PRKN: variants seen among roughly 807,000 people sequenced by gnomAD.
PRKN encodes the protein parkin RBR E3 ubiquitin protein ligase.
PRKN carries 56 observed loss-of-function variants against 59.5 expected under a neutral mutation model. That is an observed-to-expected ratio of 0.94 (90% CI 0.76 to 1.18). PRKN has a LOEUF of 1.18. Among genes scored for constraint, PRKN ranks in the 50% most tolerant of loss-of-function variants. The pLI, the probability that PRKN is intolerant of heterozygous loss-of-function variation, is 0.00. For synonymous variants in PRKN, 250 were observed against 222.1 expected, an observed-to-expected ratio of 1.13 and a Z score of -1.12; for missense variants, 657 against 596.4, an observed-to-expected ratio of 1.10 and a Z score of -1.06.
intron 6 of PRKN, among the ~76,000 whole-genome samples, chr6:161,809,659 C>A (rs1252415963): frequency 1.3e-5 from 2 of 152,114 alleles, no homozygotes; most frequent in African/African-American, 4.8e-5. Flanking sequence ...AAATATAAAT[C>A]ATTCCATTTT....
At chr6:161,952,593 T>C (rs921630213) in intron 6 of PRKN, among the ~76,000 whole-genome samples, 2 of 152,294 alleles carry the variant, frequency 1.3e-5, no homozygotes, top group Middle Eastern at 3.4e-3. Context: ...TACTCAAGAC[T>C]GGGTGACAGT....
chr6:161,858,776 G>T (rs1793760533), intron 6 of PRKN, among the ~76,000 whole-genome samples: 1 of 151,856 alleles, frequency 6.6e-6, no homozygotes, highest in Non-Finnish European at 1.5e-5. Context: ...CAGAGGGTTG[G>T]AGGCATGGAG....
At position 161,575,953 on chromosome 6, in the gene PRKN, C is replaced by T. The variant is rs1475108996; in HGVS notation, c.872-6537G>A. On this transcript the variant is annotated intron_variant, in intron 7 of 11. Transcript: ENST00000366898. The surrounding 1 kb of genome is among the most constrained non-coding windows in gnomAD (Gnocchi z 4.6). ...ATGCAGCGAGACTGAACACTGACCTCTGAGCACAAGCCAGAGAGCATGGGC... is the reference window on the plus strand; with the variant it reads ...ATGCAGCGAGACTGAACACTGACCTTTGAGCACAAGCCAGAGAGCATGGGC... Among the ~76,000 whole-genome samples, 3 of 152,224 alleles carry T rather than the reference C, an allele frequency of 2.0e-5. No homozygotes were observed. Among genetic ancestry groups the T allele is most frequent in the Non-Finnish European group, 4.4e-5 (3 of 68,048 alleles).
intron 7 of PRKN, among the ~76,000 whole-genome samples, chr6:161,686,850 G>A (rs1043088245): frequency 1.3e-5 from 2 of 152,158 alleles, no homozygotes; most frequent in African/African-American, 2.4e-5. Context: ...GTGCCTCCAT[G>A]GCCCCACACT....
chr6:161,861,023 G>A (rs1333976479), intron 6 of PRKN, among the ~76,000 whole-genome samples: 5 of 152,204 alleles, frequency 3.3e-5, no homozygotes, highest in South Asian at 2.1e-4. Flanking sequence ...ACAGTGTGGC[G>A]ATTCCTCAAT....
intron 7 of PRKN, among the ~76,000 whole-genome samples, chr6:161,624,819 C>T (rs1280514947): frequency 6.6e-6 from 1 of 152,192 alleles, no homozygotes; most frequent in Non-Finnish European, 1.5e-5. Flanking sequence ...GATGCTGCTA[C>T]TAAAAACATT....
chr6:161,405,905 C>T lies in PRKN; in HGVS notation c.1084-19028G>A, dbSNP rs1248678738. On this transcript the variant is annotated intron_variant, in intron 9 of 11. Coordinates refer to ENST00000366898, the MANE Select transcript of PRKN (RefSeq NM_004562.3). The surrounding 1 kb of genome is among the most constrained non-coding windows in gnomAD (Gnocchi z 5.1). ...GCTCCCACTAATTTGGAAAATGATG[C>T]TTTTCTTTGCTGAAGAGGAATGTCA... Among the ~76,000 whole-genome samples the T allele has an allele frequency of 4.6e-5, 7 of 152,002 alleles. No homozygotes were observed. The highest frequency in any genetic ancestry group is 1.3e-4 in the Admixed American group (2 of 15,242).
In PRKN at chr6:162,372,514, A is replaced by G. The variant is rs181479275; in HGVS notation, c.171+70796T>C. On this transcript the variant is annotated intron_variant, in intron 2 of 11. Coordinates refer to ENST00000366898, the MANE Select transcript of PRKN (RefSeq NM_004562.3). ...TTCCGAGAGGGTTAAGCAATGGGTA[A>G]ACACGGACATAAATATGGCAACAAG... Among the ~76,000 whole-genome samples, 33 of 152,286 alleles carry G rather than the reference A, an allele frequency of 2.2e-4. 1 individual carries two copies. The East Asian group carries it at 5.0e-3, about 23-fold the overall frequency.
chr6:161,661,108 G>T (rs1353352042), intron 7 of PRKN, among the ~76,000 whole-genome samples: 1 of 152,156 alleles, frequency 6.6e-6, no homozygotes, highest in African/African-American at 2.4e-5. Flanking sequence ...AGAGACTTCT[G>T]TGTCATCATC....
intron 6 of PRKN, among the ~76,000 whole-genome samples, chr6:161,964,357 A>T (rs76437736): frequency 2.0e-5 from 3 of 152,006 alleles, no homozygotes; most frequent in Non-Finnish European, 4.4e-5. Context: ...TGAAGGCTTT[A>T]TGCAAAGATT....
chr6:162,387,712 A>C (rs570026416), intron 2 of PRKN, among the ~76,000 whole-genome samples: 1 of 152,306 alleles, frequency 6.6e-6, no homozygotes, highest in South Asian at 2.1e-4. Flanking sequence ...AGAGCATTTT[A>C]TCATGAAAGC....
chr6:162,543,619 G>A (rs1355221939), intron 1 of PRKN, among the ~76,000 whole-genome samples: 2 of 152,068 alleles, frequency 1.3e-5, no homozygotes, highest in Non-Finnish European at 2.9e-5. Flanking sequence ...ATTAAGTAGA[G>A]GAGGAGAGAG....
At chr6:161,394,196 G>A (rs1445577454) in intron 9 of PRKN, among the ~76,000 whole-genome samples, 4 of 152,192 alleles carry the variant, frequency 2.6e-5, no homozygotes, top group African/African-American at 9.7e-5. Context: ...TTCCTTTCAA[G>A]TACACAACAT....
rs1403144622 is a variant in PRKN at position 161,487,482 on chromosome 6, A to G, written c.1083+61372T>C. Among the ~76,000 whole-genome samples, 1 of 152,212 alleles carries G rather than the reference A, an allele frequency of 6.6e-6. No individual in the cohort carries two copies. On this transcript the variant is annotated intron_variant, in intron 9 of 11. Transcript: ENST00000366898. This position sits in a 1 kb window ranked among gnomAD's most constrained non-coding sequence, Gnocchi z 5.3. ...TGGGTTTGGAAAGGTTAGTTTGGGT[A>G]AAGCTTGAAAAGCCAGAAAAAGGAT... is the stretch of plus-strand genomic sequence containing the variant.
At chr6:161,649,288 C>T (rs1173670517) in intron 7 of PRKN, among the ~76,000 whole-genome samples, 1 of 152,196 alleles carries the variant, frequency 6.6e-6, no homozygotes, top group African/African-American at 2.4e-5. Flanking sequence ...TGGCCTCTTG[C>T]TTGCCTTAGG....
intron 4 of PRKN, among the ~76,000 whole-genome samples, chr6:162,110,827 C>T (rs560082209): frequency 2.6e-5 from 4 of 152,176 alleles, no homozygotes; most frequent in African/African-American, 4.8e-5. Context: ...ATGTAAAGTA[C>T]ACACCCTCTA....
intron 7 of PRKN, among the ~76,000 whole-genome samples, chr6:161,649,344 T>C (rs1784071935): frequency 6.6e-6 from 1 of 152,214 alleles, no homozygotes; most frequent in Non-Finnish European, 1.5e-5. Flanking sequence ...AACTCATTAT[T>C]GTCATGATGC....
chr6:162,262,876 T>C (rs1438595898), intron 2 of PRKN, 111 bp from the exon 3 acceptor site: 4 of 1,384,502 alleles, frequency 2.9e-6, no homozygotes, highest in South Asian at 2.5e-5. Flanking sequence ...AAAAGTGACA[T>C]GTAACTGACC....
intron 1 of PRKN, among the ~76,000 whole-genome samples, chr6:162,511,451 AT>A (rs778637566): frequency 5.6e-4 from 85 of 152,178 alleles, no homozygotes; most frequent in Non-Finnish European, 1.1e-3. Flanking sequence ...ACAAAAAAAA[AT>A]GTCTACAGTG....
Sources: gnomAD v4.1 joint callset for allele counts (sites outside exome capture counted in the v4.1 genomes callset) on GRCh38, gnomAD v4.1.1 for gene constraint, Gnocchi (gnomAD v3.1) non-coding constraint, MANE v1.5 for transcripts, NCBI Gene and HGNC (gene_info 2026-07-23, HGNC 2026-07-21) for gene names.